Variants in OR10A3 observed in about 807,000 individuals in gnomAD.
OR10A3 encodes the protein olfactory receptor family 10 subfamily A member 3, also known as olfactory receptor 10A3.
In OR10A3, 1 loss-of-function variant was observed where a neutral mutation model predicts 1.5. That is an observed-to-expected ratio of 0.66 (90% CI 0.23 to 3.11). The LOEUF is 3.11. Among genes scored for constraint, OR10A3 ranks in the 30% most tolerant of loss-of-function variants. OR10A3 has a pLI of 0.21. For missense variants in OR10A3, 398 were observed against 369.7 expected, an observed-to-expected ratio of 1.08 and a Z score of -0.63; for synonymous variants, 145 against 143.7, an observed-to-expected ratio of 1.01 and a Z score of -0.06.
intron 1 of OR10A3, among the ~76,000 whole-genome samples, chr11:7,940,592 C>T (rs1321284950): frequency 2.6e-5 from 4 of 152,000 alleles, no homozygotes; most frequent in Non-Finnish European, 4.4e-5. Context: ...CTCCGAGAAA[C>T]TTCAGAGTCT....
Position 7,938,268 on chromosome 11 carries a change from C to T in OR10A3, c.*308G>A, listed in dbSNP as rs534258015. 1.4e-5 allele frequency: 3 copies of T among 220,020 alleles called. No homozygotes were observed. Among genetic ancestry groups the T allele is most frequent in the South Asian group, 8.1e-5 (1 of 12,288 alleles). The allele number at this position is 220,020 out of a possible 1,614,324, so 13.6% of individuals were successfully genotyped here. A position where few individuals can be genotyped will look rare whatever the true frequency, so the allele number is the denominator to read the frequency against. On this transcript the variant is annotated 3_prime_UTR_variant, in exon 2 of 2. Transcript: ENST00000642047. ...GCAGTGAGCCCAGATCGTGCCATTG[C>T]ACTCCAGCCTGGGCTGGAGCGAAAC...
chr11:7,941,305 A>G (rs1162383045), intron 1 of OR10A3, among the ~76,000 whole-genome samples: 1 of 152,192 alleles, frequency 6.6e-6, no homozygotes, highest in African/African-American at 2.4e-5. Context: ...TAAATGCTCC[A>G]TCTTTTCCCT....
At position 7,938,162 on chromosome 11, in the gene OR10A3, G is replaced by T. The variant is rs1941381666; in HGVS notation, c.*414C>A. ...CTACTAAAAATACAAAAATTAGCTG[G>T]GTGTGGTGGCGCATGCCTGTAATCC... On this transcript the variant is annotated 3_prime_UTR_variant, in exon 2 of 2. Coordinates refer to ENST00000642047, the MANE Select transcript of OR10A3 (RefSeq NM_001003745.2). 5 of 159,938 alleles carry T rather than the reference G, an allele frequency of 3.1e-5. No individual in the cohort carries two copies. Among genetic ancestry groups the T allele is most frequent in the Non-Finnish European group, 6.8e-5 (5 of 73,088 alleles). The allele number at this position is 159,938 out of a possible 1,614,324, so 9.9% of individuals were successfully genotyped here.
chr11:7,941,096 G>GA (rs111609826), intron 1 of OR10A3, among the ~76,000 whole-genome samples: 2,836 of 149,718 alleles, frequency 0.019, 86 homozygotes, highest in African/African-American at 0.066. Context: ...GACTTGGCAG[G>GA]AAAAAAAAAT....
At position 7,939,604 on chromosome 11, in the gene OR10A3, T is replaced by A; in HGVS notation, c.-84A>T. 9.3e-7 allele frequency: 1 copy of A among 1,075,194 alleles called. No individual in the cohort carries two copies. The highest frequency in any genetic ancestry group is 1.3e-6 in the Non-Finnish European group (1 of 765,660). 66.6% of individuals were successfully genotyped at this position (1,075,194 alleles called of 1,614,324 possible). ...AATCCCATAGCTGTGAGTTCAAGTC[T>A]GGAATTCTTGACAGCAGATGTAATG... On this transcript the variant is annotated 5_prime_UTR_variant, in exon 2 of 2. An upstream open reading frame in the 5' UTR gains an earlier in-frame stop. Transcript: ENST00000642047.
At chr11:7,939,833 T>G in intron 1 of OR10A3, 135 bp from the exon 2 acceptor site, 1 of 282,632 alleles carries the variant, frequency 3.5e-6, no homozygotes. Flanking sequence ...TAATGCCAAG[T>G]TCCCCTTTAA....
rs1186377223 is a variant in OR10A3 at position 7,938,787 on chromosome 11, A to C, written c.734T>G (p.Leu245Arg). The C allele has an allele frequency of 6.2e-7, 1 of 1,614,110 alleles. No homozygotes were observed. Among genetic ancestry groups the C allele is most frequent in the Non-Finnish European group, 8.5e-7 (1 of 1,180,040 alleles). The change falls in exon 2 of 2, where the codon CTC (leucine) becomes CGC (arginine). Residue 245 changes from leucine (L) to arginine (R), a missense_variant. Coordinates refer to ENST00000642047, the MANE Select transcript of OR10A3 (RefSeq NM_001003745.2). ...GCCATAGAACAGGGTCACAGATGTG[A>C]GGTGAGAGGCACAGGTGGAAAAGGC... is the stretch of plus-strand genomic sequence containing the variant. ...QKAFSTCASHLTSVTLFYGTA... is the reference protein window; with the variant it reads ...QKAFSTCASHRTSVTLFYGTA...
At position 7,941,660 on chromosome 11, in the gene OR10A3, A is replaced by G. The variant is rs2133623572; in HGVS notation, c.-252T>C. 1 of 152,310 alleles carries G rather than the reference A, an allele frequency of 6.6e-6. No homozygotes were observed. The highest frequency in any genetic ancestry group is 2.1e-4 in the South Asian group (1 of 4,820). 9.4% of individuals were successfully genotyped at this position (152,310 alleles called of 1,614,324 possible). On this transcript the variant is annotated 5_prime_UTR_variant, in exon 1 of 2. Coordinates refer to ENST00000642047, the MANE Select transcript of OR10A3 (RefSeq NM_001003745.2). ...ATAACTACAGAAGGCAAACCCACCA[A>G]CAAGTACCAAAGCAGAATCTTCAGA...
chr11:7,938,936 A>G lies in OR10A3; in HGVS notation c.585T>C (p.Phe195=), dbSNP rs759748738. The change falls in exon 2 of 2, where the codon TTT becomes TTC. Residue 195 remains phenylalanine, a synonymous_variant. Transcript: ENST00000642047. ...TGGTGCCTGTGAAGGCATAGATTTC[A>G]AATAAGAAGGTGTCTGCACACACAA... is the stretch of plus-strand genomic sequence containing the variant. The part of the protein sequence containing the change: ...LELVCADTFL[F]EIYAFTGTIL... The G allele has an allele frequency of 2.2e-5, 36 of 1,614,086 alleles. No homozygotes were observed. In the Admixed American group the frequency reaches 5.7e-4, roughly 25 times the overall value.
rs1941403250 is a variant in OR10A3 at position 7,939,208 on chromosome 11, G to A, written c.313C>T (p.Leu105Phe). The stretch of plus-strand genomic sequence containing the variant: ...AAACATTCAGTCCCACCAAAAAGAA[G>A]GATGAAATACATCTGTGCAAAACAG... ...VGCFAQMYFI[L>F]LFGGTECFLL... is the part of the protein sequence containing the mutation. The change falls in exon 2 of 2, where the codon CTT (leucine) becomes TTT (phenylalanine). Residue 105 changes from leucine to phenylalanine, a missense_variant. Coordinates refer to ENST00000642047, the MANE Select transcript of OR10A3 (RefSeq NM_001003745.2). 1.9e-6 allele frequency: 3 copies of A among 1,614,028 alleles called. No homozygotes were observed. The African/African-American group carries it at 4.0e-5, about 22-fold the overall frequency.
rs1279043087 is a variant in OR10A3 at position 7,937,767 on chromosome 11, A to G, written c.*809T>C. 2 of 152,166 alleles carry G rather than the reference A, an allele frequency of 1.3e-5. No homozygotes were observed. The highest frequency in any genetic ancestry group is 2.4e-5 in the African/African-American group (1 of 41,436). 9.4% of individuals were successfully genotyped at this position (152,166 alleles called of 1,614,324 possible). On this transcript the variant is annotated 3_prime_UTR_variant, in exon 2 of 2. Transcript: ENST00000642047. ...AAATTTTCAATCCAAAAATAGAAAC[A>G]TCATCACCTTATTTGTTGGTCTCTT...
At chr11:7,940,457 A>C (rs1448981358) in intron 1 of OR10A3, among the ~76,000 whole-genome samples, 2 of 151,868 alleles carry the variant, frequency 1.3e-5, no homozygotes, top group Non-Finnish European at 2.9e-5. Context: ...GCTCCACCTC[A>C]CTGCCTCTTT....
At position 7,938,422 on chromosome 11, in the gene OR10A3, T is replaced by A. The variant is rs2036305321; in HGVS notation, c.*154A>T. On this transcript the variant is annotated 3_prime_UTR_variant, in exon 2 of 2. Coordinates refer to ENST00000642047, the MANE Select transcript of OR10A3 (RefSeq NM_001003745.2). ...AACATATGTATCTACTAAAAACAAG[T>A]GACAGCAGTTCTTTATTGAGATACG... The A allele has an allele frequency of 1.7e-6, 1 of 604,170 alleles. No individual in the cohort carries two copies. Among genetic ancestry groups the A allele is most frequent in the Non-Finnish European group, 2.9e-6 (1 of 348,424 alleles). 37.4% of individuals were successfully genotyped at this position (604,170 alleles called of 1,614,324 possible). A position where few individuals can be genotyped will look rare whatever the true frequency, so the allele number is the denominator to read the frequency against.
Position 7,937,717 on chromosome 11 carries a change from C to T in OR10A3, c.*859G>A, listed in dbSNP as rs1331771073. ...TTTTTGGCCCCCCAAAATAGATGCA[C>T]TTTTTTTTTACTCATCCGTGGAACA... On this transcript the variant is annotated 3_prime_UTR_variant, in exon 2 of 2. Transcript: ENST00000642047. The T allele has an allele frequency of 2.0e-5, 3 of 151,066 alleles. No homozygotes were observed. Among genetic ancestry groups the T allele is most frequent in the African/African-American group, 7.3e-5 (3 of 41,156 alleles). The allele number at this position is 151,066 out of a possible 1,614,324, so 9.4% of individuals were successfully genotyped here.
chr11:7,940,702 A>C (rs1269837959), intron 1 of OR10A3, among the ~76,000 whole-genome samples: 1 of 152,188 alleles, frequency 6.6e-6, no homozygotes, highest in African/African-American at 2.4e-5. Flanking sequence ...GGGAAACATT[A>C]CTTCTGAATG....
At chr11:7,939,735 T>A (rs1158307034) in intron 1 of OR10A3, 37 bp from the exon 2 acceptor site, 21 of 449,458 alleles carry the variant, frequency 4.7e-5, no homozygotes, top group Middle Eastern at 1.1e-3. Flanking sequence ...GTATTTTGGT[T>A]CAGAAATCTT....
rs1435188146 is a variant in OR10A3, at chr11:7,938,642, T to C, written c.879A>G (p.Arg293=). The C allele has an allele frequency of 6.2e-7, 1 of 1,614,132 alleles. No homozygotes were observed. ...TCAAAGTCCTCTTCATCTCACTGTT[T>C]CGTAAGCTATAGATGAGCGGATTGA... ...PLLNPLIYSL[R]NSEMKRTLIK... The change falls in exon 2 of 2, where the codon CGA becomes CGG. Residue 293 remains arginine (R), a synonymous_variant. Coordinates refer to ENST00000642047, the MANE Select transcript of OR10A3 (RefSeq NM_001003745.2).
chr11:7,941,381 A>C (rs769966916), intron 1 of OR10A3, among the ~76,000 whole-genome samples: 7 of 152,196 alleles, frequency 4.6e-5, no homozygotes, highest in Non-Finnish European at 1.0e-4. Flanking sequence ...CTCTGGCATT[A>C]ACTTTCTGTA....
In OR10A3 at chr11:7,939,363, T is replaced by C. The variant is rs550047550; in HGVS notation, c.158A>G (p.Gln53Arg). 1 of 1,614,124 alleles carries C rather than the reference T, an allele frequency of 6.2e-7. No homozygotes were observed. The highest frequency in any genetic ancestry group is 2.2e-5 in the East Asian group (1 of 44,880). The change falls in exon 2 of 2, where the codon CAG becomes CGG. Residue 53 changes from glutamine to arginine, a missense_variant. Transcript: ENST00000642047. The stretch of plus-strand genomic sequence containing the variant: ...CAGGTACATGGGAACGTGGAGGCTC[T>C]GGTTTAAGGAGATGATGACTGTAAT... ...AIITVIISLN[Q>R]SLHVPMYLFL...
Sources: allele counts gnomAD v4.1 joint callset (sites outside exome capture counted in the v4.1 genomes callset), GRCh38; gene constraint gnomAD v4.1.1; transcripts MANE v1.5; gene names NCBI Gene and HGNC (gene_info 2026-07-23, HGNC 2026-07-21).